Variants in ARHGAP10 observed in about 807,000 individuals in gnomAD.
ARHGAP10 encodes rho GTPase-activating protein 10.
Under a neutral mutation model 108.6 loss-of-function variants are expected in ARHGAP10, and 87 were observed. The observed-to-expected ratio is 0.80, with a 90% confidence interval of 0.67 to 0.96. The LOEUF (loss-of-function observed/expected upper bound fraction) is 0.96, where lower values mean the gene tolerates loss of function less well. ARHGAP10 is among the 40% of genes least tolerant of loss of function. ARHGAP10 has a pLI of 0.00. For missense variants in ARHGAP10, 939 were observed against 954.5 expected (o/e 0.98, Z 0.21); for synonymous variants, 347 against 341.1 (o/e 1.02, Z -0.19).
At position 148,072,099 on chromosome 4, in the gene ARHGAP10, C is replaced by A. The variant is rs1395033769; in HGVS notation, c.*18C>A. The stretch of plus-strand genomic sequence containing the variant: ...TGCTGTAGCTCCTGGCCTCAGAGCC[C>A]CTGCTGACCCTGGCACCCAGGGACC... On this transcript the variant is annotated 3_prime_UTR_variant, in exon 23 of 23. Coordinates refer to ENST00000336498, the MANE Select transcript of ARHGAP10 (RefSeq NM_024605.4). The A allele has an allele frequency of 6.2e-7, 1 of 1,603,996 alleles. No homozygotes were observed. The highest frequency in any genetic ancestry group is 1.7e-5 in the Admixed American group (1 of 58,692).
chr4:148,038,741 G>T (rs1274554809), intron 19 of ARHGAP10, among the ~76,000 whole-genome samples: 1 of 152,208 alleles, frequency 6.6e-6, no homozygotes, highest in Non-Finnish European at 1.5e-5. Flanking sequence ...GGCACAAGGG[G>T]ATATAGGGGC....
chr4:147,761,265 CCTT>C (rs1228976455), intron 1 of ARHGAP10, among the ~76,000 whole-genome samples: 1 of 152,138 alleles, frequency 6.6e-6, no homozygotes, highest in Non-Finnish European at 1.5e-5. Context: ...AATCCTCCCT[CCTT>C]GACCTCTGAA....
chr4:147,878,233 C>G (rs945187672), intron 8 of ARHGAP10, among the ~76,000 whole-genome samples: 1 of 151,986 alleles, frequency 6.6e-6, no homozygotes, highest in Non-Finnish European at 1.5e-5. Flanking sequence ...GTAGCTGGGA[C>G]TACAGGCGCG....
intron 3 of ARHGAP10, among the ~76,000 whole-genome samples, chr4:147,834,221 G>A (rs1733071704): frequency 6.6e-6 from 1 of 152,150 alleles, no homozygotes; most frequent in African/African-American, 2.4e-5. Flanking sequence ...TGTAGTCCCA[G>A]CACTTTGGGA....
At chr4:147,741,778 A>ACACACACACACG (rs1560733762) in intron 1 of ARHGAP10, among the ~76,000 whole-genome samples, 15 of 37,770 alleles carry the variant, frequency 4.0e-4, no homozygotes, top group African/African-American at 1.1e-3. Context: ...ACACACACAC[A>ACACACACACACG]CACACACACA....
intron 1 of ARHGAP10, among the ~76,000 whole-genome samples, chr4:147,818,565 CAAA>C (rs5862813): frequency 5.0e-4 from 53 of 105,268 alleles, no homozygotes; most frequent in Admixed American, 1.1e-3. Context: ...AAACTGTCAC[CAAA>C]AAAAAAAAAA....
At chr4:147,980,959 C>CAATCCTATCAATCTTGTT (rs1174442731) in intron 18 of ARHGAP10, among the ~76,000 whole-genome samples, 1 of 152,096 alleles carries the variant, frequency 6.6e-6, no homozygotes, top group Non-Finnish European at 1.5e-5. Context: ...ATCCAGCTAG[C>CAATCCTATCAATCTTGTT]AATCCTATCA....
chr4:147,916,118 CT>C (rs1736973304), intron 13 of ARHGAP10, among the ~76,000 whole-genome samples: 1 of 152,154 alleles, frequency 6.6e-6, no homozygotes, highest in South Asian at 2.1e-4. Flanking sequence ...TTGTACACTT[CT>C]TGAGTCTATG....
At chr4:147,834,846 C>T (rs1733102683) in intron 3 of ARHGAP10, among the ~76,000 whole-genome samples, 1 of 151,546 alleles carries the variant, frequency 6.6e-6, no homozygotes, top group Non-Finnish European at 1.5e-5. Flanking sequence ...GATGGCCCCT[C>T]CAGTCTTCCC....
chr4:147,992,130 C>G (rs1453332579), intron 18 of ARHGAP10, among the ~76,000 whole-genome samples: 1 of 152,192 alleles, frequency 6.6e-6, no homozygotes, highest in Non-Finnish European at 1.5e-5. Context: ...CTTGTTTTAG[C>G]TTTCCAGTTG....
intron 10 of ARHGAP10, among the ~76,000 whole-genome samples, chr4:147,896,934 A>T (rs1227459316): frequency 2.0e-5 from 3 of 152,088 alleles, no homozygotes; most frequent in Non-Finnish European, 4.4e-5. Context: ...CTACTTAAGT[A>T]TTCTTTTGGT....
intron 8 of ARHGAP10, among the ~76,000 whole-genome samples, chr4:147,877,224 GT>G (rs373409656): frequency 8.2e-5 from 12 of 146,936 alleles, no homozygotes; most frequent in Admixed American, 3.5e-4. Flanking sequence ...TCTCTGGGCA[GT>G]TTTTTTTTTC....
intron 1 of ARHGAP10, among the ~76,000 whole-genome samples, chr4:147,751,367 TG>T (rs1282998494): frequency 6.6e-6 from 1 of 151,280 alleles, no homozygotes; most frequent in East Asian, 1.9e-4. Flanking sequence ...TAATAGTTGT[TG>T]TTTTTTTTTT....
intron 7 of ARHGAP10, 92 bp downstream of exon 7, chr4:147,866,908 A>C: frequency 9.1e-7 from 1 of 1,096,540 alleles, no homozygotes; most frequent in Non-Finnish European, 1.3e-6. Flanking sequence ...AATGAAGACA[A>C]TGCTGATCTG....
chr4:147,941,495 A>G (rs1425683172), intron 14 of ARHGAP10, among the ~76,000 whole-genome samples: 2 of 152,192 alleles, frequency 1.3e-5, no homozygotes, highest in African/African-American at 2.4e-5. Context: ...TTTACTTTTC[A>G]TGGGCCTCAG....
chr4:147,904,868 T>G (rs1736406251), intron 10 of ARHGAP10, among the ~76,000 whole-genome samples: 1 of 152,204 alleles, frequency 6.6e-6, no homozygotes, highest in Non-Finnish European at 1.5e-5. Flanking sequence ...AGTGTTCCTA[T>G]TTCTCCACAT....
intron 3 of ARHGAP10, among the ~76,000 whole-genome samples, chr4:147,838,796 T>G (rs959342252): frequency 1.3e-5 from 2 of 152,248 alleles, no homozygotes; most frequent in Non-Finnish European, 2.9e-5. Flanking sequence ...TAAAGTGAGC[T>G]TTATAAAATT....
intron 1 of ARHGAP10, among the ~76,000 whole-genome samples, chr4:147,738,557 C>G (rs1013269126): frequency 1.1e-4 from 16 of 151,138 alleles, no homozygotes; most frequent in South Asian, 2.1e-4. Context: ...TGTCTCCCCC[C>G]CCCAAAAAAA....
At chr4:147,980,884 T>C (rs1739785363) in intron 18 of ARHGAP10, among the ~76,000 whole-genome samples, 2 of 152,208 alleles carry the variant, frequency 1.3e-5, no homozygotes, top group East Asian at 1.9e-4. Context: ...GTGGTATCGG[T>C]TGTTATGTCA....
Sources: gnomAD v4.1 joint callset for allele counts (sites outside exome capture counted in the v4.1 genomes callset) on GRCh38, gnomAD v4.1.1 for gene constraint, MANE v1.5 for transcripts, NCBI Gene and HGNC (gene_info 2026-07-23, HGNC 2026-07-21) for gene names.